The following ERI1 variants were observed in gnomAD, a reference collection of about 807,000 sequenced individuals.
The protein encoded by ERI1 is exoribonuclease 1.
Under a neutral mutation model 39.7 loss-of-function variants are expected in ERI1, and 39 were observed. The ratio of observed to expected loss-of-function variants is 0.98; its 90% CI spans 0.76 to 1.28. The LOEUF (loss-of-function observed/expected upper bound fraction) is 1.28. ERI1 is among the 50% of genes most tolerant of loss of function. The pLI is 0.00. For synonymous variants in ERI1, 204 were observed against 149.6 expected, an observed-to-expected ratio of 1.36 and a Z score of -2.65; for missense variants, 581 against 416.9, an observed-to-expected ratio of 1.39 and a Z score of -3.43.
At chr8:9,059,027 AG>A (rs1177094203) in intron 3 of ERI1, among the ~76,000 whole-genome samples, 2 of 151,940 alleles carry the variant, frequency 1.3e-5, no homozygotes, top group Non-Finnish European at 2.9e-5. Context: ...GAAGGGAGAT[AG>A]GGGTGGGGCC....
downstream of ERI1, among the ~76,000 whole-genome samples, chr8:9,036,759 G>C (rs1797857476): frequency 1.3e-5 from 2 of 152,120 alleles, no homozygotes; most frequent in African/African-American, 4.8e-5. Context: ...TGCTAATGTA[G>C]TGTGGCACAC....
chr8:9,016,453 A>G, intron 4 of ERI1, 48 bp downstream of exon 4: 1 of 1,201,024 alleles, frequency 8.3e-7, no homozygotes, highest in Non-Finnish European at 1.2e-6. Context: ...AGTTCTTGAA[A>G]TTAGGGATTT....
At chr8:9,039,654 A>T (rs1797956324) in intron 3 of ERI1, among the ~76,000 whole-genome samples, 1 of 152,214 alleles carries the variant, frequency 6.6e-6, no homozygotes, top group Non-Finnish European at 1.5e-5. Flanking sequence ...GAACTAAGGT[A>T]TTTGGCTTTT....
intron 3 of ERI1, among the ~76,000 whole-genome samples, chr8:9,082,920 AT>A (rs1380532541): frequency 6.6e-6 from 1 of 152,230 alleles, no homozygotes; most frequent in Non-Finnish European, 1.5e-5. Context: ...TTTGTAAGTC[AT>A]AAAAGTAGGG....
intron 3 of ERI1, among the ~76,000 whole-genome samples, chr8:9,093,534 A>C (rs1300440620): frequency 6.6e-6 from 1 of 151,546 alleles, no homozygotes; most frequent in African/African-American, 2.4e-5. Context: ...AAGAAGAAGA[A>C]GAAGAAAGTA....
chr8:9,021,865 G>A (rs933718478), intron 6 of ERI1, among the ~76,000 whole-genome samples: 1 of 138,106 alleles, frequency 7.2e-6, no homozygotes, highest in Non-Finnish European at 1.5e-5. Context: ...TAATTCCATT[G>A]TGTGACTATA....
At chr8:9,089,298 T>C (rs1280274316) in intron 3 of ERI1, among the ~76,000 whole-genome samples, 1 of 152,158 alleles carries the variant, frequency 6.6e-6, no homozygotes, top group Non-Finnish European at 1.5e-5. Context: ...AGAGATGGGG[T>C]CTTGCTGTGT....
At chr8:9,079,552 C>G (rs912512782) in intron 3 of ERI1, among the ~76,000 whole-genome samples, 2 of 152,210 alleles carry the variant, frequency 1.3e-5, no homozygotes, top group African/African-American at 4.8e-5. Context: ...CTGTGTCGAT[C>G]TAAAAGAAAG....
chr8:9,050,047 C>A (rs13273769), intron 3 of ERI1, among the ~76,000 whole-genome samples: 20,800 of 152,108 alleles, frequency 0.14, 1,568 homozygotes, highest in Middle Eastern at 0.17. Flanking sequence ...ACCTGTTTAA[C>A]CTTCGGCTCC....
At chr8:9,065,221 G>T (rs1214715098) in intron 3 of ERI1, among the ~76,000 whole-genome samples, 1 of 152,168 alleles carries the variant, frequency 6.6e-6, no homozygotes, top group East Asian at 1.9e-4. Context: ...ACAGCTAAGT[G>T]CATGTACAAA....
At chr8:9,021,773 T>G (rs1322024494) in intron 6 of ERI1, among the ~76,000 whole-genome samples, 1 of 139,986 alleles carries the variant, frequency 7.1e-6, no homozygotes, top group African/African-American at 2.9e-5. Context: ...TTGTTTTTTT[T>G]GTTTTTTTTT....
chr8:9,062,425 G>A (rs1798730853), intron 3 of ERI1, among the ~76,000 whole-genome samples: 3 of 151,490 alleles, frequency 2.0e-5, no homozygotes, highest in South Asian at 2.1e-4. Context: ...TAAGGGAACC[G>A]GGCAGGTGGG....
intron 3 of ERI1, among the ~76,000 whole-genome samples, chr8:9,082,901 A>G (rs1333296588): frequency 1.3e-5 from 2 of 152,224 alleles, no homozygotes; most frequent in Non-Finnish European, 2.9e-5. Flanking sequence ...ATGATGGAAT[A>G]TCCTAAATTT....
chr8:9,030,574 A>C lies in ERI1; in HGVS notation c.*540A>C, dbSNP rs182345337. The C allele has an allele frequency of 6.5e-6, 1 of 153,674 alleles. No individual in the cohort carries two copies. Among genetic ancestry groups the C allele is most frequent in the Admixed American group, 6.4e-5 (1 of 15,652 alleles). The allele number at this position is 153,674 out of a possible 1,614,324, so 9.5% of individuals were successfully genotyped here. A position where few individuals can be genotyped will look rare whatever the true frequency, so the allele number is the denominator to read the frequency against. On this transcript the variant is annotated 3_prime_UTR_variant, in exon 7 of 7. Transcript: ENST00000250263. Reference sequence around the variant, plus strand: ...AGGTACTTGGTATACATATCTGCCTATGTTTCTTTTCAACTCATAATTGGA... The same window carrying C: ...AGGTACTTGGTATACATATCTGCCTCTGTTTCTTTTCAACTCATAATTGGA...
intron 3 of ERI1, among the ~76,000 whole-genome samples, 161 bp downstream of exon 3, chr8:9,011,913 T>C (rs1816714189): frequency 6.6e-6 from 1 of 152,222 alleles, no homozygotes; most frequent in Non-Finnish European, 1.5e-5. Flanking sequence ...ATAGAAAAGC[T>C]GTAACAAAGC....
chr8:9,030,274 A>G lies in ERI1; in HGVS notation c.*240A>G. 1 of 503,028 alleles carries G rather than the reference A, an allele frequency of 2.0e-6. No individual in the cohort carries two copies. 31.2% of individuals were successfully genotyped at this position (503,028 alleles called of 1,614,324 possible). A position where few individuals can be genotyped will look rare whatever the true frequency, so the allele number is the denominator to read the frequency against. ...CGTTACATAGTAACAGTTCCTGCTT[A>G]CAACTGAATTTTATAATTTAAGGTG... is the stretch of plus-strand genomic sequence containing the variant. On this transcript the variant is annotated 3_prime_UTR_variant, in exon 7 of 7. Coordinates refer to ENST00000250263, the MANE Select transcript of ERI1 (RefSeq NM_153332.4).
At chr8:9,080,769 C>T (rs1799344264) in intron 3 of ERI1, among the ~76,000 whole-genome samples, 1 of 152,140 alleles carries the variant, frequency 6.6e-6, no homozygotes, top group Non-Finnish European at 1.5e-5. Context: ...TCTCTCGGCT[C>T]CTGCAGGAAC....
chr8:9,036,425 A>G (rs115501539), downstream of ERI1, among the ~76,000 whole-genome samples: 978 of 152,354 alleles, frequency 6.4e-3, 12 homozygotes, highest in African/African-American at 0.022. Flanking sequence ...CAAAAAGATT[A>G]TGGCTTGCTG....
intron 3 of ERI1, among the ~76,000 whole-genome samples, chr8:9,060,309 C>G (rs770610453): frequency 2.0e-4 from 31 of 152,162 alleles, no homozygotes; most frequent in Non-Finnish European, 3.5e-4. Flanking sequence ...AGAAAGACCT[C>G]TACCCATCCA....
Sources: gnomAD v4.1 joint callset for allele counts (sites outside exome capture counted in the v4.1 genomes callset) on GRCh38, gnomAD v4.1.1 for gene constraint, MANE v1.5 for transcripts, NCBI Gene and HGNC (gene_info 2026-07-23, HGNC 2026-07-21) for gene names.